Variants in TMEM200A observed in about 807,000 individuals in gnomAD.
TMEM200A encodes the protein two transmembrane C.
TMEM200A carries 12 observed loss-of-function variants against 24.3 expected under a neutral mutation model. The ratio of observed to expected loss-of-function variants is 0.49; its 90% CI spans 0.32 to 0.80. TMEM200A has a LOEUF of 0.80. TMEM200A is among the 30% of genes least tolerant of loss of function. The pLI, the probability that TMEM200A is intolerant of heterozygous loss-of-function variation, is 0.04. For synonymous variants in TMEM200A, 224 were observed against 224.4 expected (o/e 1.00, Z 0.02); for missense variants, 545 against 614.4 (o/e 0.89, Z 1.19).
chr6:130,409,049 G>GATA (rs1402130287), intron 2 of TMEM200A, among the ~76,000 whole-genome samples: 4 of 152,118 alleles, frequency 2.6e-5, no homozygotes, highest in Non-Finnish European at 4.4e-5. Context: ...GTCCTTGTTT[G>GATA]ATACTTTCTC....
At chr6:130,398,596 C>G (rs987102713) in intron 2 of TMEM200A, among the ~76,000 whole-genome samples, 1 of 152,058 alleles carries the variant, frequency 6.6e-6, no homozygotes, top group Non-Finnish European at 1.5e-5. Context: ...TTTACACTAC[C>G]ACCAGTAGTG....
chr6:130,392,633 A>G lies in TMEM200A; in HGVS notation c.-17+7397A>G, dbSNP rs904188602. On this transcript the variant is annotated intron_variant, in intron 2 of 2. Transcript: ENST00000296978. ...GTAACTCAAATCCCAACATGCTTCT[A>G]TGCCTTTGTGTTAGCTGTTCCCTCC... is the stretch of plus-strand genomic sequence containing the variant. Among the ~76,000 whole-genome samples, 13 of 152,226 alleles carry G rather than the reference A, an allele frequency of 8.5e-5. No individual in the cohort carries two copies. The South Asian group carries it at 1.5e-3, about 17-fold the overall frequency.
At position 130,379,334 on chromosome 6, in the gene TMEM200A, A is replaced by C. The variant is rs1778541934; in HGVS notation, c.-80-5839A>C. On this transcript the variant is annotated intron_variant, in intron 1 of 2. Coordinates refer to ENST00000296978, the MANE Select transcript of TMEM200A (RefSeq NM_001258277.2). Reference sequence around the variant, plus strand: ...AAGGGTTACAGCCTGCAGAGTGGCCATTCTGACAGGCTGGGAAGCATAGCC... The same window carrying C: ...AAGGGTTACAGCCTGCAGAGTGGCCCTTCTGACAGGCTGGGAAGCATAGCC... Among the ~76,000 whole-genome samples, 2 of 152,222 alleles carry C rather than the reference A, an allele frequency of 1.3e-5. 1 individual carries two copies. The highest frequency in any genetic ancestry group is 4.1e-4 in the South Asian group (2 of 4,832).
In TMEM200A at chr6:130,435,923, C is replaced by T. The variant is rs60001005; in HGVS notation, c.-16-4484C>T. Among the ~76,000 whole-genome samples, 3 of 152,336 alleles carry T rather than the reference C, an allele frequency of 2.0e-5. No homozygotes were observed. The East Asian group carries it at 5.8e-4, about 29-fold the overall frequency. On this transcript the variant is annotated intron_variant, in intron 2 of 2. Coordinates refer to ENST00000296978, the MANE Select transcript of TMEM200A (RefSeq NM_001258277.2). ...ATGGACAGGTGCAAGAGGCCAGATA[C>T]TCACCCAAGGTGAGGCCTTCAAACT... is the stretch of plus-strand genomic sequence containing the variant.
chr6:130,399,953 G>A (rs542358222), intron 2 of TMEM200A, among the ~76,000 whole-genome samples: 117 of 152,022 alleles, frequency 7.7e-4, no homozygotes, highest in African/African-American at 2.6e-3. Flanking sequence ...TTGCATTCCT[G>A]AGTTACATCA....
chr6:130,391,965 G>A (rs1242615255), intron 2 of TMEM200A, among the ~76,000 whole-genome samples: 2 of 151,918 alleles, frequency 1.3e-5, no homozygotes, highest in Admixed American at 1.3e-4. Context: ...GGATGGTCTC[G>A]ATCTCCTGAC....
intron 1 of TMEM200A, among the ~76,000 whole-genome samples, chr6:130,378,393 G>A (rs1583174999): frequency 2.0e-5 from 3 of 150,846 alleles, no homozygotes; most frequent in Admixed American, 1.3e-4. Flanking sequence ...CAAATTCAAT[G>A]TTCTTAGAAA....
chr6:130,390,895 G>T (rs1315832084), intron 2 of TMEM200A, among the ~76,000 whole-genome samples: 2 of 152,186 alleles, frequency 1.3e-5, no homozygotes, highest in African/African-American at 4.8e-5. Context: ...ACTATTGACA[G>T]TTTGGACTGA....
At chr6:130,378,075 G>A (rs750143411) in intron 1 of TMEM200A, among the ~76,000 whole-genome samples, 1 of 152,154 alleles carries the variant, frequency 6.6e-6, no homozygotes, top group Non-Finnish European at 1.5e-5. Context: ...TGTGTGAGTA[G>A]CATTAGCATA....
chr6:130,368,996 A>AGT (rs973054397), intron 1 of TMEM200A, among the ~76,000 whole-genome samples: 3 of 152,106 alleles, frequency 2.0e-5, no homozygotes, highest in African/African-American at 7.2e-5. Flanking sequence ...GACAGAAGTC[A>AGT]GTGTGTGTGT....
intron 1 of TMEM200A, chr6:130,381,913 C>G (rs934846314): frequency 2.0e-6 from 2 of 985,294 alleles, no homozygotes; most frequent in African/African-American, 3.5e-5. Context: ...TGCAGCTTCT[C>G]TGATCTGTGG....
In TMEM200A at chr6:130,442,045, G is replaced by T. The variant is rs1396186741; in HGVS notation, c.*147G>T. ...GGCTGCTTAGTTCTGTAATGAAGAT[G>T]GTTGTATGTTTGGGTTACTTGTGAC... On this transcript the variant is annotated 3_prime_UTR_variant, in exon 3 of 3. Coordinates refer to ENST00000296978, the MANE Select transcript of TMEM200A (RefSeq NM_001258277.2). 4 of 760,712 alleles carry T rather than the reference G, an allele frequency of 5.3e-6. No homozygotes were observed. Among genetic ancestry groups the T allele is most frequent in the Non-Finnish European group, 8.2e-6 (4 of 486,320 alleles). 47.1% of individuals were successfully genotyped at this position (760,712 alleles called of 1,614,324 possible).
chr6:130,402,230 A>G (rs548879507), intron 2 of TMEM200A, among the ~76,000 whole-genome samples: 1 of 152,076 alleles, frequency 6.6e-6, no homozygotes, highest in African/African-American at 2.4e-5. Context: ...AAAGACATAA[A>G]AATGATGAAA....
At chr6:130,427,475 A>T (rs986459298) in intron 2 of TMEM200A, among the ~76,000 whole-genome samples, 6 of 152,164 alleles carry the variant, frequency 3.9e-5, no homozygotes, top group African/African-American at 7.2e-5. Flanking sequence ...TGTTGCCATT[A>T]CTATCGTGCT....
chr6:130,380,524 TAGCTCATTAAA>T (rs1325580813), intron 1 of TMEM200A, among the ~76,000 whole-genome samples: 6 of 152,208 alleles, frequency 3.9e-5, no homozygotes, highest in African/African-American at 1.4e-4. Context: ...GAATGCATTT[TAGCTCATTAAA>T]GTTGACGAGA....
intron 2 of TMEM200A, among the ~76,000 whole-genome samples, chr6:130,387,644 C>T (rs1383648650): frequency 1.3e-5 from 2 of 152,204 alleles, no homozygotes; most frequent in African/African-American, 2.4e-5. Context: ...GACTTGGCCA[C>T]ATGGCTTCTT....
intron 2 of TMEM200A, among the ~76,000 whole-genome samples, chr6:130,389,004 A>G (rs1344415058): frequency 6.6e-6 from 1 of 152,228 alleles, no homozygotes; most frequent in Non-Finnish European, 1.5e-5. Context: ...AATATAAAAT[A>G]CATATAATAT....
intron 2 of TMEM200A, among the ~76,000 whole-genome samples, chr6:130,412,211 G>A (rs1255554769): frequency 7.1e-6 from 1 of 141,186 alleles, no homozygotes; most frequent in Non-Finnish European, 1.5e-5. Context: ...TTTCTTTTTA[G>A]TGGAAAATGG....
At chr6:130,416,607 C>T (rs1779461926) in intron 2 of TMEM200A, among the ~76,000 whole-genome samples, 1 of 152,144 alleles carries the variant, frequency 6.6e-6, no homozygotes, top group Non-Finnish European at 1.5e-5. Context: ...CTACTCTGTT[C>T]ACCCTAGTGA....
Sources: gnomAD v4.1 joint callset for allele counts (sites outside exome capture counted in the v4.1 genomes callset) on GRCh38, gnomAD v4.1.1 for gene constraint, MANE v1.5 for transcripts, NCBI Gene and HGNC (gene_info 2026-07-23, HGNC 2026-07-21) for gene names.